Variants in MAGI1 observed in about 807,000 individuals in gnomAD.
The protein encoded by MAGI1 is membrane associated guanylate kinase, WW and PDZ domain containing 1.
A neutral mutation model predicts 139.9 loss-of-function variants in MAGI1; 58 were observed. The ratio of observed to expected loss-of-function variants is 0.41; its 90% confidence interval spans 0.34 to 0.52. MAGI1 has a LOEUF of 0.52. MAGI1 is among the 20% of genes least tolerant of loss of function. The pLI, the probability that MAGI1 is intolerant of heterozygous loss-of-function variation, is 0.12. For missense variants in MAGI1, 1,874 were observed against 1,901.6 expected (o/e 0.99, Z 0.27); for synonymous variants, 812 against 737.9 (o/e 1.10, Z -1.63).
chr3:65,919,292 T>C (rs1011912653), intron 1 of MAGI1, among the ~76,000 whole-genome samples: 1 of 152,210 alleles, frequency 6.6e-6, no homozygotes, highest in Non-Finnish European at 1.5e-5. Flanking sequence ...CCAGATGTAA[T>C]GGCTCATGCC....
chr3:65,789,150 C>A (rs2039587876), intron 1 of MAGI1, among the ~76,000 whole-genome samples: 1 of 152,144 alleles, frequency 6.6e-6, no homozygotes, highest in Non-Finnish European at 1.5e-5. Flanking sequence ...CACTGCACTC[C>A]AGCCTGGGTG....
chr3:66,030,419 C>A (rs1489716681), intron 1 of MAGI1, among the ~76,000 whole-genome samples: 3 of 152,186 alleles, frequency 2.0e-5, no homozygotes, highest in African/African-American at 7.2e-5. Flanking sequence ...GTTTTTGCTA[C>A]TGGGGATACT....
intron 1 of MAGI1, among the ~76,000 whole-genome samples, chr3:65,977,128 T>G (rs6445520): frequency 0.99 from 150,881 of 152,286 alleles, 74,768 homozygotes; most frequent in East Asian, 1. Flanking sequence ...ATGTTATAGG[T>G]TTTCTTTCCA....
chr3:65,369,512 C>CTTT (rs759624135), intron 18 of MAGI1, among the ~76,000 whole-genome samples: 1 of 142,382 alleles, frequency 7.0e-6, no homozygotes, highest in African/African-American at 2.6e-5. Context: ...GTGATGGATT[C>CTTT]TTTTTTTTTT....
At chr3:65,512,672 C>T (rs1453163951) in intron 2 of MAGI1, among the ~76,000 whole-genome samples, 29 of 150,656 alleles carry the variant, frequency 1.9e-4, no homozygotes, top group Non-Finnish European at 3.9e-4. Context: ...CAATAGTTTA[C>T]CAACCAAAAA....
chr3:65,712,606 A>G (rs1343138863), intron 1 of MAGI1, among the ~76,000 whole-genome samples: 1 of 152,056 alleles, frequency 6.6e-6, no homozygotes, highest in African/African-American at 2.4e-5. Context: ...TCTGCCCCCA[A>G]GTTGAAACAA....
At position 65,360,987 on chromosome 3, in the gene MAGI1, G is replaced by T. The variant is rs879057145; in HGVS notation, c.3634+212C>A. ...TCAGAAAGGGGGCTATAAAGATCTTGTCTTAGGCCATGCCCCAGTCCACGT... is the reference window on the plus strand; with the variant it reads ...TCAGAAAGGGGGCTATAAAGATCTTTTCTTAGGCCATGCCCCAGTCCACGT... On this transcript the variant is annotated intron_variant, in intron 22 of 22. Coordinates refer to ENST00000402939, the MANE Select transcript of MAGI1 (RefSeq NM_001033057.2). The T allele has an allele frequency of 6.2e-6, 9 of 1,449,962 alleles. No individual in the cohort carries two copies. In the South Asian group the frequency reaches 1.2e-4, roughly 19 times the overall value. The allele number at this position is 1,449,962 out of a possible 1,614,324, so 89.8% of individuals were successfully genotyped here. A position where few individuals can be genotyped will look rare whatever the true frequency, so the allele number is the denominator to read the frequency against.
intron 1 of MAGI1, among the ~76,000 whole-genome samples, chr3:65,778,058 T>A (rs1224715767): frequency 1.3e-5 from 2 of 152,210 alleles, no homozygotes; most frequent in African/African-American, 4.8e-5. Flanking sequence ...TTTTAGATAC[T>A]GTATTCTTTA....
At chr3:66,033,616 C>T (rs28437271) in intron 1 of MAGI1, among the ~76,000 whole-genome samples, 7,239 of 152,210 alleles carry the variant, frequency 0.048, 226 homozygotes, top group African/African-American at 0.073. Context: ...AAAAACCACA[C>T]AAAGAACTAT....
chr3:65,750,065 A>C (rs898789041), intron 1 of MAGI1, among the ~76,000 whole-genome samples: 1 of 152,184 alleles, frequency 6.6e-6, no homozygotes, highest in African/African-American at 2.4e-5. Flanking sequence ...CAGGCAGAGC[A>C]GAAAGGGGTT....
intron 2 of MAGI1, among the ~76,000 whole-genome samples, chr3:65,536,305 C>T (rs1307560434): frequency 6.6e-6 from 1 of 152,106 alleles, no homozygotes; most frequent in African/African-American, 2.4e-5. Context: ...TCTAGAACTT[C>T]CCATATCGGA....
intron 1 of MAGI1, among the ~76,000 whole-genome samples, chr3:65,976,179 G>A (rs998871229): frequency 4.6e-5 from 7 of 152,114 alleles, no homozygotes; most frequent in Admixed American, 1.3e-4. Flanking sequence ...CAACCCCTAT[G>A]TGACATAAGA....
At chr3:65,869,642 C>T (rs952769710) in intron 1 of MAGI1, among the ~76,000 whole-genome samples, 2 of 151,978 alleles carry the variant, frequency 1.3e-5, no homozygotes, top group Non-Finnish European at 2.9e-5. Context: ...CTTTGTGATC[C>T]GCCCACCTCG....
chr3:65,497,633 CTTGCCA>C (rs1436892679), intron 2 of MAGI1, among the ~76,000 whole-genome samples: 1 of 152,148 alleles, frequency 6.6e-6, no homozygotes. Context: ...GTTTCATAGT[CTTGCCA>C]AACTAGACAA....
At chr3:65,958,942 G>A (rs572300949) in intron 1 of MAGI1, among the ~76,000 whole-genome samples, 45 of 151,950 alleles carry the variant, frequency 3.0e-4, no homozygotes, top group Admixed American at 2.2e-3. Flanking sequence ...AGCTGAGATC[G>A]TGCCACTGCA....
chr3:65,456,538 C>T (rs975320748), intron 5 of MAGI1, among the ~76,000 whole-genome samples: 6 of 152,074 alleles, frequency 3.9e-5, no homozygotes, highest in African/African-American at 1.4e-4. Flanking sequence ...TTAATGATGT[C>T]AAATTTATCA....
intron 1 of MAGI1, among the ~76,000 whole-genome samples, chr3:65,700,448 T>C (rs1427480675): frequency 6.8e-6 from 1 of 146,264 alleles, no homozygotes; most frequent in Non-Finnish European, 1.5e-5. Context: ...AGACTCCATC[T>C]CAAAATAAAT....
intron 1 of MAGI1, among the ~76,000 whole-genome samples, chr3:65,624,255 C>A (rs1271253818): frequency 6.6e-6 from 1 of 151,862 alleles, no homozygotes; most frequent in African/African-American, 2.4e-5. Flanking sequence ...AGTGACCCAA[C>A]AATTCCACCC....
intron 1 of MAGI1, among the ~76,000 whole-genome samples, chr3:65,820,513 C>G (rs1559914432): frequency 6.6e-6 from 1 of 152,102 alleles, no homozygotes; most frequent in African/African-American, 2.4e-5. Context: ...TAGAAACATA[C>G]ACATTAGGCG....
Sources: allele counts gnomAD v4.1 joint callset (sites outside exome capture counted in the v4.1 genomes callset), GRCh38; gene constraint gnomAD v4.1.1; transcripts MANE v1.5; gene names NCBI Gene and HGNC (gene_info 2026-07-23, HGNC 2026-07-21).